Variants in ITGA9 observed in about 807,000 individuals in gnomAD.
The protein encoded by ITGA9 is integrin subunit alpha 9.
In ITGA9, 56 loss-of-function variants were observed where a neutral mutation model predicts 127.8. The ratio of observed to expected loss-of-function variants is 0.44; its 90% confidence interval spans 0.35 to 0.55. The LOEUF is 0.55. Among genes scored for constraint, ITGA9 ranks in the 20% least tolerant of loss-of-function variants. The pLI is 0.00. For synonymous variants in ITGA9, 508 were observed against 514.5 expected, an observed-to-expected ratio of 0.99 and a Z score of 0.17; for missense variants, 1,196 against 1,347.1, an observed-to-expected ratio of 0.89 and a Z score of 1.76.
chr3:37,531,784 A>T (rs1456233205), intron 13 of ITGA9, among the ~76,000 whole-genome samples: 2 of 152,226 alleles, frequency 1.3e-5, no homozygotes. Flanking sequence ...GAACGAGAGG[A>T]TGAATTCACC....
intron 18 of ITGA9, among the ~76,000 whole-genome samples, chr3:37,709,473 G>A (rs1252934792): frequency 2.6e-5 from 4 of 152,208 alleles, no homozygotes; most frequent in East Asian, 1.9e-4. Flanking sequence ...TTCTGCAAGG[G>A]CATAAAAATG....
intron 26 of ITGA9, among the ~76,000 whole-genome samples, chr3:37,801,507 C>G (rs990910131): frequency 6.6e-6 from 1 of 152,022 alleles, no homozygotes; most frequent in South Asian, 2.1e-4. Flanking sequence ...AGTGGTGGCT[C>G]ATGCCTATAA....
chr3:37,821,452 A>C lies in ITGA9; in HGVS notation c.*2463A>C, dbSNP rs1351795832. ...GTGGCATGTGGACTTTTTGAATGGG[A>C]TGCCATTTGCAGCTTTCCTTTGATG... On this transcript the variant is annotated 3_prime_UTR_variant, in exon 28 of 28. Transcript: ENST00000264741. 1 of 152,142 alleles carries C rather than the reference A, an allele frequency of 6.6e-6. No individual in the cohort carries two copies. Among genetic ancestry groups the C allele is most frequent in the Non-Finnish European group, 1.5e-5 (1 of 68,028 alleles). 9.4% of individuals were successfully genotyped at this position (152,142 alleles called of 1,614,324 possible). A position where few individuals can be genotyped will look rare whatever the true frequency, so the allele number is the denominator to read the frequency against.
intron 15 of ITGA9, among the ~76,000 whole-genome samples, chr3:37,548,307 T>C (rs764488861): frequency 1.8e-4 from 27 of 152,102 alleles, no homozygotes; most frequent in Non-Finnish European, 3.2e-4. Flanking sequence ...GGGGAAGGGC[T>C]GATGATGATT....
At chr3:37,531,496 C>T (rs1015402676) in intron 13 of ITGA9, among the ~76,000 whole-genome samples, 10 of 152,188 alleles carry the variant, frequency 6.6e-5, no homozygotes, top group African/African-American at 1.7e-4. Flanking sequence ...GGGCTGCCCA[C>T]GTCTGTTTCC....
intron 15 of ITGA9, among the ~76,000 whole-genome samples, chr3:37,589,075 C>A (rs1437726212): frequency 6.6e-6 from 1 of 152,208 alleles, no homozygotes; most frequent in African/African-American, 2.4e-5. Context: ...TTTTGTTCAA[C>A]TGGAGCCTTG....
At chr3:37,512,217 C>CTTTTCT (rs1698939150) in intron 8 of ITGA9, among the ~76,000 whole-genome samples, 3 of 78,874 alleles carry the variant, frequency 3.8e-5, no homozygotes, top group African/African-American at 1.5e-4. Context: ...TTCTTTCTTT[C>CTTTTCT]TTTCTTCTTT....
intron 23 of ITGA9, among the ~76,000 whole-genome samples, chr3:37,759,009 A>G (rs767596772): frequency 2.6e-5 from 4 of 151,970 alleles, no homozygotes; most frequent in Admixed American, 6.6e-5. Context: ...CTGATCCAGG[A>G]CAGCCCCTAC....
intron 15 of ITGA9, among the ~76,000 whole-genome samples, chr3:37,606,682 C>A (rs1033365239): frequency 1.3e-5 from 2 of 152,056 alleles, no homozygotes; most frequent in Non-Finnish European, 2.9e-5. Flanking sequence ...CCGCTGTCCT[C>A]GGTATGAGAT....
chr3:37,750,653 C>T (rs1696572458), intron 23 of ITGA9, 84 bp downstream of exon 23: 1 of 958,054 alleles, frequency 1.0e-6, no homozygotes, highest in Non-Finnish European at 1.7e-6. Context: ...CCCTGACATC[C>T]ACCTTGAGGG....
intron 15 of ITGA9, among the ~76,000 whole-genome samples, chr3:37,585,010 G>A (rs1249397369): frequency 1.3e-5 from 2 of 152,058 alleles, no homozygotes; most frequent in South Asian, 2.1e-4. Context: ...GGGTGGAAGA[G>A]TGGCCAGCCA....
At chr3:37,680,834 A>C (rs1700727673) in intron 17 of ITGA9, among the ~76,000 whole-genome samples, 1 of 152,240 alleles carries the variant, frequency 6.6e-6, no homozygotes, top group Non-Finnish European at 1.5e-5. Context: ...TCCACTGTTT[A>C]AGATTAAAAT....
intron 1 of ITGA9, among the ~76,000 whole-genome samples, chr3:37,459,067 G>T (rs1698289815): frequency 6.6e-6 from 1 of 152,144 alleles, no homozygotes; most frequent in Non-Finnish European, 1.5e-5. Context: ...TTGAAACCAC[G>T]GGCTCACTTG....
intron 26 of ITGA9, among the ~76,000 whole-genome samples, chr3:37,802,641 T>C (rs1016616611): frequency 1.3e-5 from 2 of 152,316 alleles, no homozygotes; most frequent in Non-Finnish European, 2.9e-5. Flanking sequence ...CTTTGAATTC[T>C]GCAAAACCAA....
intron 18 of ITGA9, among the ~76,000 whole-genome samples, chr3:37,725,131 C>A (rs942032742): frequency 1.3e-5 from 2 of 152,220 alleles, no homozygotes. Context: ...ACAGTTCACC[C>A]TCTGCATCTC....
intron 27 of ITGA9, among the ~76,000 whole-genome samples, chr3:37,810,564 C>T (rs6776997): frequency 0.039 from 5,880 of 152,108 alleles, 155 homozygotes; most frequent in Middle Eastern, 0.078. Flanking sequence ...TATAGGTGTG[C>T]GCCACCATGC....
chr3:37,705,771 A>G (rs1202978789), intron 18 of ITGA9, among the ~76,000 whole-genome samples: 2 of 152,214 alleles, frequency 1.3e-5, no homozygotes, highest in African/African-American at 4.8e-5. Context: ...ATGAATTAAT[A>G]GGGCAGTGAG....
intron 22 of ITGA9, chr3:37,748,285 G>A (rs1180375058): frequency 3.8e-6 from 2 of 520,690 alleles, no homozygotes; most frequent in Admixed American, 2.1e-5. Flanking sequence ...GTATTACCAT[G>A]GCTAAACTGA....
At chr3:37,609,002 C>G (rs1699994102) in intron 15 of ITGA9, among the ~76,000 whole-genome samples, 2 of 152,100 alleles carry the variant, frequency 1.3e-5, no homozygotes, top group African/African-American at 4.8e-5. Flanking sequence ...GTCAACATCC[C>G]CAAAATGTGT....
Sources: allele counts gnomAD v4.1 joint callset (sites outside exome capture counted in the v4.1 genomes callset), GRCh38; gene constraint gnomAD v4.1.1; transcripts MANE v1.5; gene names NCBI Gene and HGNC (gene_info 2026-07-23, HGNC 2026-07-21).